SEM1: variants seen among roughly 807,000 people sequenced by gnomAD.
SEM1 encodes SEM1 26S proteasome subunit, also known as 26S proteasome complex subunit SEM1.
Under a neutral mutation model 12.7 loss-of-function variants are expected in SEM1, and 3 were observed. The observed-to-expected ratio is 0.24, with a 90% CI of 0.11 to 0.61. The LOEUF (loss-of-function observed/expected upper bound fraction) is 0.61. Ranked by LOEUF, SEM1 falls within the 20% of genes least tolerant of loss-of-function variation. The probability of loss-of-function intolerance (pLI) is 0.88; values close to 1 mark genes in which losing one functional copy is unlikely to be tolerated. For synonymous variants in SEM1, 30 were observed against 27.8 expected (o/e 1.08, Z -0.25); for missense variants, 59 against 81.3 (o/e 0.73, Z 1.06).
At chr7:96,483,273 AG>A (rs1302683742) in exon 4 of SEM1, 1 of 152,880 alleles carries the variant, frequency 6.5e-6, no homozygotes, top group Non-Finnish European at 1.5e-5. Flanking sequence ...GAAGAGGTTT[AG>A]TAGCTGGCTT....
At chr7:96,579,149 A>G (rs1806301563) in intron 2 of SEM1, among the ~76,000 whole-genome samples, 1 of 152,216 alleles carries the variant, frequency 6.6e-6, no homozygotes, top group Non-Finnish European at 1.5e-5. Flanking sequence ...CCATGATGAG[A>G]TTCCAAGTTT....
intron 2 of SEM1, among the ~76,000 whole-genome samples, chr7:96,613,870 C>T (rs527622735): frequency 6.6e-6 from 1 of 152,340 alleles, no homozygotes; most frequent in South Asian, 2.1e-4. Flanking sequence ...CCACAAATGA[C>T]AGACTTTCCT....
intron 2 of SEM1, chr7:96,637,239 CAT>C (rs1808456583): frequency 6.6e-6 from 1 of 152,050 alleles, no homozygotes; most frequent in South Asian, 2.1e-4. Flanking sequence ...GCATTACTCA[CAT>C]GTCTCTTCTG....
chr7:96,486,348 C>A (rs1401755050), exon 2 of SEM1: 20 of 1,536,950 alleles, frequency 1.3e-5, no homozygotes, highest in Non-Finnish European at 1.7e-5. Flanking sequence ...GGTCTCCTCC[C>A]CCTTTTTATG....
At chr7:96,566,557 A>G (rs1281729690) in intron 2 of SEM1, among the ~76,000 whole-genome samples, 1 of 151,630 alleles carries the variant, frequency 6.6e-6, no homozygotes, top group Non-Finnish European at 1.5e-5. Flanking sequence ...GCCCTTTATT[A>G]TATATAGCAT....
chr7:96,559,181 G>T (rs922930868), intron 2 of SEM1, among the ~76,000 whole-genome samples: 1 of 152,030 alleles, frequency 6.6e-6, no homozygotes. Context: ...AACAATTACT[G>T]TAACTTTTTA....
At chr7:96,655,979 AT>A (rs1235798463) in intron 2 of SEM1, among the ~76,000 whole-genome samples, 1 of 152,206 alleles carries the variant, frequency 6.6e-6, no homozygotes, top group Non-Finnish European at 1.5e-5. Flanking sequence ...TTTGGGTCAG[AT>A]TCCCACAACA....
At chr7:96,553,901 G>A (rs903302745) in intron 2 of SEM1, among the ~76,000 whole-genome samples, 2 of 152,050 alleles carry the variant, frequency 1.3e-5, no homozygotes, top group African/African-American at 2.4e-5. Context: ...TCCTTGAAGA[G>A]GTCCTTCACA....
intron 2 of SEM1, among the ~76,000 whole-genome samples, chr7:96,528,490 C>T (rs1411133093): frequency 6.6e-6 from 1 of 152,118 alleles, no homozygotes; most frequent in African/African-American, 2.4e-5. Context: ...CCATGCCCAA[C>T]CCTGCCCAAT....
chr7:96,521,725 T>C (rs1452377440), intron 2 of SEM1, among the ~76,000 whole-genome samples: 3 of 152,124 alleles, frequency 2.0e-5, no homozygotes, highest in Non-Finnish European at 4.4e-5. Context: ...TCACATGGAA[T>C]GAGAATTTGG....
At chr7:96,621,531 C>T (rs1192292856), downstream of SEM1, 5 of 152,190 alleles carry the variant, frequency 3.3e-5, no homozygotes, top group African/African-American at 1.2e-4. Flanking sequence ...TGTGTTCAGG[C>T]TGCTTGTGTT....
At chr7:96,496,202 G>T in intron 1 of SEM1, 1 of 839,794 alleles carries the variant, frequency 1.2e-6, no homozygotes, top group Non-Finnish European at 1.9e-6. Flanking sequence ...CATCGTCATA[G>T]TACACTCAAG....
At chr7:96,487,496 G>C (rs979741331) in intron 1 of SEM1, among the ~76,000 whole-genome samples, 1 of 149,816 alleles carries the variant, frequency 6.7e-6, no homozygotes, top group Admixed American at 6.6e-5. Context: ...CCTACGGTGA[G>C]TGGCTGACTC....
intron 2 of SEM1, among the ~76,000 whole-genome samples, chr7:96,533,384 T>TA (rs1240706888): frequency 6.6e-6 from 1 of 152,092 alleles, no homozygotes; most frequent in African/African-American, 2.4e-5. Context: ...TACCTGCTAC[T>TA]ACCTTCTAGA....
intron 2 of SEM1, among the ~76,000 whole-genome samples, chr7:96,613,215 G>A (rs1807597609): frequency 6.6e-6 from 1 of 150,558 alleles, no homozygotes; most frequent in African/African-American, 2.4e-5. Flanking sequence ...AATAATTCTT[G>A]TCTATAGACA....
intron 2 of SEM1, among the ~76,000 whole-genome samples, chr7:96,510,242 C>G (rs1803895052): frequency 6.6e-6 from 1 of 152,108 alleles, no homozygotes; most frequent in Admixed American, 6.6e-5. Flanking sequence ...TCATGTATCA[C>G]TTAACAATGG....
chr7:96,637,347 A>G (rs1181426070), intron 2 of SEM1: 1 of 152,016 alleles, frequency 6.6e-6, no homozygotes, highest in Non-Finnish European at 1.5e-5. Context: ...CAGCTCTGAA[A>G]CACTCAAATG....
chr7:96,510,195 A>G (rs966092680), intron 2 of SEM1, among the ~76,000 whole-genome samples: 7 of 152,128 alleles, frequency 4.6e-5, no homozygotes, highest in African/African-American at 1.7e-4. Flanking sequence ...TCACATTACA[A>G]TAGTTTCTTG....
chr7:96,673,903 CA>C (rs1219418040), intron 2 of SEM1: 1 of 757,944 alleles, frequency 1.3e-6, no homozygotes, highest in East Asian at 2.4e-5. Context: ...AGTATCAAGC[CA>C]CTGTGATCTG....
Sources: allele counts gnomAD v4.1 joint callset (sites outside exome capture counted in the v4.1 genomes callset), GRCh38; gene constraint gnomAD v4.1.1; transcripts MANE v1.5; gene names NCBI Gene and HGNC (gene_info 2026-07-23, HGNC 2026-07-21).